The following CCDC18 variants were observed in gnomAD, a reference collection of about 807,000 sequenced individuals.
CCDC18 encodes the protein coiled-coil domain-containing protein 18.
CCDC18 carries 157 observed loss-of-function variants against 196.0 expected under a neutral mutation model. That is an observed-to-expected ratio of 0.80 (90% CI 0.70 to 0.91). The LOEUF is 0.91. Ranked by LOEUF, CCDC18 falls within the 40% of genes least tolerant of loss-of-function variation. The pLI is 0.00. For synonymous variants in CCDC18, 482 were observed against 529.2 expected, an observed-to-expected ratio of 0.91 and a Z score of 1.22; for missense variants, 1,465 against 1,611.6, an observed-to-expected ratio of 0.91 and a Z score of 1.56.
At chr1:93,269,715 C>A (rs1570657635) in intron 27 of CCDC18, 1 of 152,124 alleles carries the variant, frequency 6.6e-6, no homozygotes, top group African/African-American at 2.4e-5. Flanking sequence ...AATATCATCT[C>A]TTTTTTTAGG....
At chr1:93,272,263 A>G (rs2101564076) in intron 28 of CCDC18, among the ~76,000 whole-genome samples, 1 of 152,284 alleles carries the variant, frequency 6.6e-6, no homozygotes, top group Admixed American at 6.5e-5. Flanking sequence ...GGGTATGGTC[A>G]TTTCGCTTAT....
Position 93,184,134 on chromosome 1 carries a change from G to C in CCDC18, c.291G>C (p.Lys97Asn). ...ISGSSTDFQK[K>N]PRDKMFSSSA... Reference sequence around the variant, plus strand: ...GTAGCAGCACTGATTTTCAAAAAAAGCCAAGAGATAAGGTTATTGTTTTTA... The same window carrying C: ...GTAGCAGCACTGATTTTCAAAAAAACCCAAGAGATAAGGTTATTGTTTTTA... Residue 97 changes from lysine to asparagine, a missense_variant, in exon 3 of 29, where the codon AAG (lysine) becomes AAC (asparagine). Lys to Asn is a moderately conservative substitution (Grantham distance 94). Coordinates refer to ENST00000690025, the MANE Select transcript of CCDC18 (RefSeq NM_001378204.1). 1 of 1,516,126 alleles carries C rather than the reference G, an allele frequency of 6.6e-7. No individual in the cohort carries two copies. The highest frequency in any genetic ancestry group is 8.9e-7 in the Non-Finnish European group (1 of 1,124,258). 93.9% of individuals were successfully genotyped at this position (1,516,126 alleles called of 1,614,324 possible).
At chr1:93,260,011 G>C (rs1004016437) in intron 26 of CCDC18, among the ~76,000 whole-genome samples, 2 of 152,016 alleles carry the variant, frequency 1.3e-5, no homozygotes, top group African/African-American at 2.4e-5. Flanking sequence ...AAAGTGATGG[G>C]GTCTGTGTTG....
At chr1:93,203,902 G>A (rs2101873101) in intron 7 of CCDC18, among the ~76,000 whole-genome samples, 1 of 152,258 alleles carries the variant, frequency 6.6e-6, no homozygotes, top group South Asian at 2.1e-4. Context: ...TAATCAGGGA[G>A]TCATTGGATA....
intron 23 of CCDC18, among the ~76,000 whole-genome samples, chr1:93,248,597 A>G (rs1180390001): frequency 6.6e-6 from 1 of 152,150 alleles, no homozygotes; most frequent in Non-Finnish European, 1.5e-5. Context: ...CTCTGTGTTC[A>G]TCAGGGATAT....
intron 1 of CCDC18, among the ~76,000 whole-genome samples, chr1:93,181,227 G>A (rs569077375): frequency 9.5e-6 from 1 of 105,344 alleles, no homozygotes; most frequent in South Asian, 3.5e-4. Context: ...TCTTTCAGAC[G>A]GATGTAAGAT....
At chr1:93,256,589 G>A (rs1662990230) in intron 25 of CCDC18, 51 bp downstream of exon 25, 1 of 1,468,364 alleles carries the variant, frequency 6.8e-7, no homozygotes, top group South Asian at 1.2e-5. Flanking sequence ...ACAAATATTA[G>A]CATTTTTTTT....
In CCDC18 at chr1:93,246,945, TAACA is replaced by T; in HGVS notation, c.3194_3197del (p.Lys1065ArgfsTer2). On this transcript the variant is annotated frameshift_variant, in exon 23 of 29. Transcript: ENST00000690025. LOFTEE classifies it high-confidence loss of function. ...AATCAGAATTGGAACTTAAAGAATG[TAACA>T]AACAGGTAAATTATTTTAAAATTAC... 1 of 1,191,362 alleles carries T rather than the reference TAACA, an allele frequency of 8.4e-7. No individual in the cohort carries two copies. The highest frequency in any genetic ancestry group is 2.0e-4 in the Middle Eastern group (1 of 4,950). 73.8% of individuals were successfully genotyped at this position (1,191,362 alleles called of 1,614,324 possible).
intron 23 of CCDC18, among the ~76,000 whole-genome samples, chr1:93,253,679 G>A (rs1387765991): frequency 2.6e-5 from 4 of 152,226 alleles, no homozygotes; most frequent in Non-Finnish European, 5.9e-5. Context: ...TCAGCAGGGA[G>A]AGAGCCTTTC....
At chr1:93,239,284 C>A in intron 19 of CCDC18, 26 bp from the exon 20 acceptor site, 2 of 1,451,234 alleles carry the variant, frequency 1.4e-6, no homozygotes, top group Non-Finnish European at 1.8e-6. Flanking sequence ...TCTAAATTAC[C>A]TGTTTTATTA....
chr1:93,194,765 C>A (rs1038668944), intron 6 of CCDC18, among the ~76,000 whole-genome samples: 2 of 152,106 alleles, frequency 1.3e-5, no homozygotes, highest in African/African-American at 4.8e-5. Flanking sequence ...TACATGAAGA[C>A]CACATTCACA....
intron 21 of CCDC18, 97 bp downstream of exon 21, chr1:93,239,993 G>A: frequency 5.7e-6 from 5 of 873,836 alleles, no homozygotes; most frequent in Admixed American, 5.3e-5. Flanking sequence ...TTTCTCAACT[G>A]TCTTTGGCTC....
chr1:93,199,617 G>C (rs140827369), intron 6 of CCDC18: 8 of 152,446 alleles, frequency 5.2e-5, no homozygotes, highest in African/African-American at 1.9e-4. Flanking sequence ...TTGTGTTACA[G>C]CATTTTAAGC....
intron 23 of CCDC18, among the ~76,000 whole-genome samples, chr1:93,247,572 T>C (rs1661650575): frequency 6.6e-6 from 1 of 151,770 alleles, no homozygotes; most frequent in African/African-American, 2.4e-5. Context: ...TGCACCACCA[T>C]GATTGGCTAA....
chr1:93,245,542 A>C (rs1314206194), intron 21 of CCDC18, among the ~76,000 whole-genome samples: 1 of 152,144 alleles, frequency 6.6e-6, no homozygotes, highest in Non-Finnish European at 1.5e-5. Flanking sequence ...TAAAAGCCTT[A>C]AAATTGTGTC....
At chr1:93,244,513 A>T (rs973885303) in intron 21 of CCDC18, among the ~76,000 whole-genome samples, 1 of 152,218 alleles carries the variant, frequency 6.6e-6, no homozygotes, top group Admixed American at 6.5e-5. Flanking sequence ...AGAATTGGCA[A>T]ATTCATAGAG....
chr1:93,257,994 T>C (rs1316396658), intron 25 of CCDC18, among the ~76,000 whole-genome samples: 1 of 151,690 alleles, frequency 6.6e-6, no homozygotes, highest in Non-Finnish European at 1.5e-5. Flanking sequence ...CACACTATAT[T>C]CCATCATCTA....
At position 93,256,452 on chromosome 1, in the gene CCDC18, G is replaced by C; in HGVS notation, c.3460G>C (p.Ala1154Pro). The C allele has an allele frequency of 4.3e-6, 7 of 1,614,060 alleles. No individual in the cohort carries two copies. The highest frequency in any genetic ancestry group is 5.9e-6 in the Non-Finnish European group (7 of 1,179,970). ...VQNSHTELAEARHQQVQAQRE... is the reference protein window; with the variant it reads ...VQNSHTELAEPRHQQVQAQRE... ...GAACTCTCATACAGAATTGGCAGAGGCTCGTCATCAGCAAGTCCAAGCACA... is the reference window on the plus strand; with the variant it reads ...GAACTCTCATACAGAATTGGCAGAGCCTCGTCATCAGCAAGTCCAAGCACA... Residue 1154 changes from alanine (A) to proline (P), a missense_variant, in exon 25 of 29, where the codon GCT becomes CCT. By Grantham distance (27) the Ala-to-Pro change is conservative. Transcript: ENST00000690025.
At chr1:93,191,478 A>C (rs71652528) in intron 4 of CCDC18, among the ~76,000 whole-genome samples, 2,069 of 152,202 alleles carry the variant, frequency 0.014, 28 homozygotes, top group Admixed American at 0.02. Context: ...TTTCAGTGAT[A>C]GTTATCTTAT....
Sources: allele counts gnomAD v4.1 joint callset (sites outside exome capture counted in the v4.1 genomes callset), GRCh38; gene constraint gnomAD v4.1.1; transcripts MANE v1.5; gene names NCBI Gene and HGNC (gene_info 2026-07-23, HGNC 2026-07-21).